ZFYVE1: variants seen among roughly 807,000 people sequenced by gnomAD.
The protein encoded by ZFYVE1 is zinc finger FYVE domain-containing protein 1.
In ZFYVE1, 30 loss-of-function variants were observed where a neutral mutation model predicts 74.4. The ratio of observed to expected loss-of-function variants is 0.40; its 90% confidence interval spans 0.30 to 0.55. The LOEUF is 0.55. Ranked by LOEUF, ZFYVE1 falls within the 20% of genes least tolerant of loss-of-function variation. The pLI, the probability that ZFYVE1 is intolerant of heterozygous loss-of-function variation, is 0.42. For missense variants in ZFYVE1, 703 were observed against 1,011.6 expected, an observed-to-expected ratio of 0.69 and a Z score of 4.14; for synonymous variants, 335 against 385.1, an observed-to-expected ratio of 0.87 and a Z score of 1.52.
At chr14:73,006,662 C>A (rs1224788864) in intron 2 of ZFYVE1, among the ~76,000 whole-genome samples, 1 of 147,774 alleles carries the variant, frequency 6.8e-6, no homozygotes, top group Non-Finnish European at 1.5e-5. Flanking sequence ...CAAGAAGAGT[C>A]TGTAAAATGA....
At chr14:73,001,795 A>G (rs1893878564) in intron 2 of ZFYVE1, among the ~76,000 whole-genome samples, 1 of 111,452 alleles carries the variant, frequency 9.0e-6, no homozygotes, top group Non-Finnish European at 1.9e-5. Context: ...CTAAAAATAC[A>G]AAATTAGCCA....
chr14:72,988,728 A>G (rs1893540710), intron 4 of ZFYVE1, among the ~76,000 whole-genome samples: 2 of 149,450 alleles, frequency 1.3e-5, no homozygotes, highest in African/African-American at 4.9e-5. Context: ...AATCACTTGA[A>G]CCTGGGAGTC....
rs1237782467 is a variant in ZFYVE1 at position 73,023,212 on chromosome 14, A to G, written c.483+814T>C. On this transcript the variant is annotated intron_variant, in intron 2 of 11. Transcript: ENST00000556143. ...TATATATTTTATATATGTTTTATATATAATATATATTTTATATGTTTTATA... is the reference window on the plus strand; with the variant it reads ...TATATATTTTATATATGTTTTATATGTAATATATATTTTATATGTTTTATA... 3.2e-4 allele frequency among the ~76,000 whole-genome samples: 44 copies of G among 136,714 alleles called. 4 individuals carry two copies. Among genetic ancestry groups the G allele is most frequent in the South Asian group, 6.5e-4 (3 of 4,634 alleles). 89.7% of individuals were successfully genotyped at this position (136,714 alleles called of 152,430 possible). A position where few individuals can be genotyped will look rare whatever the true frequency, so the allele number is the denominator to read the frequency against.
chr14:73,007,930 T>C (rs1440772148), intron 2 of ZFYVE1, among the ~76,000 whole-genome samples: 1 of 152,210 alleles, frequency 6.6e-6, no homozygotes, highest in Non-Finnish European at 1.5e-5. Context: ...ATCAAATGTT[T>C]TCTGAAGACA....
chr14:73,006,709 C>CTTTTTTTTTT (rs35364666), intron 2 of ZFYVE1, among the ~76,000 whole-genome samples: 1 of 77,638 alleles, frequency 1.3e-5, no homozygotes. Flanking sequence ...ACCCCAGTTC[C>CTTTTTTTTTT]TTTTTTTTTT....
At chr14:73,002,842 C>T (rs1039701702) in intron 2 of ZFYVE1, among the ~76,000 whole-genome samples, 23 of 149,094 alleles carry the variant, frequency 1.5e-4, no homozygotes, top group African/African-American at 3.2e-4. Flanking sequence ...CCCAGGTTCA[C>T]GCCATTCTCC....
At chr14:73,008,712 T>C (rs1249816159) in intron 2 of ZFYVE1, among the ~76,000 whole-genome samples, 1 of 152,192 alleles carries the variant, frequency 6.6e-6, no homozygotes, top group Non-Finnish European at 1.5e-5. Context: ...TGCAGCTGCC[T>C]TTTTAAGTGG....
At chr14:72,991,976 G>A (rs944995193) in intron 4 of ZFYVE1, among the ~76,000 whole-genome samples, 10 of 150,724 alleles carry the variant, frequency 6.6e-5, no homozygotes, top group African/African-American at 2.5e-4. Flanking sequence ...GGACAATCTC[G>A]GCTCACTGCA....
chr14:73,024,586 T>C lies in ZFYVE1; in HGVS notation c.-78A>G, dbSNP rs1894416699. ...CCGGGGGTGAAGACGAAGATTTGAGTCTGAAGACTGCACGAAACTTCCACA... is the reference window on the plus strand; with the variant it reads ...CCGGGGGTGAAGACGAAGATTTGAGCCTGAAGACTGCACGAAACTTCCACA... On this transcript the variant is annotated 5_prime_UTR_variant, in exon 2 of 12. Transcript: ENST00000556143. 2.0e-5 allele frequency: 30 copies of C among 1,510,234 alleles called. No homozygotes were observed. The highest frequency in any genetic ancestry group is 2.6e-5 in the Non-Finnish European group (29 of 1,130,296). The allele number at this position is 1,510,234 out of a possible 1,614,324, so 93.6% of individuals were successfully genotyped here.
At chr14:72,977,871 A>T in intron 8 of ZFYVE1, 56 bp downstream of exon 8, 1 of 1,573,380 alleles carries the variant, frequency 6.4e-7, no homozygotes, top group Non-Finnish European at 8.7e-7. Flanking sequence ...TTCTATACAC[A>T]TGAAAAACTG....
rs1894418616 is a variant in ZFYVE1 at position 73,024,690 on chromosome 14, T to G, written c.-182A>C. The G allele has an allele frequency of 5.5e-6, 5 of 904,522 alleles. No individual in the cohort carries two copies. Among genetic ancestry groups the G allele is most frequent in the Non-Finnish European group, 6.3e-6 (4 of 631,804 alleles). The allele number at this position is 904,522 out of a possible 1,614,324, so 56.0% of individuals were successfully genotyped here. Reference sequence around the variant, plus strand: ...ACAAACAAATGTTCAAATTTTTAATTTGCTGCCTCTAAGACTCTTGTATTA... The same window carrying G: ...ACAAACAAATGTTCAAATTTTTAATGTGCTGCCTCTAAGACTCTTGTATTA... On this transcript the variant is annotated 5_prime_UTR_variant, in exon 2 of 12. Transcript: ENST00000556143.
chr14:73,009,641 A>G (rs1894048673), intron 2 of ZFYVE1, among the ~76,000 whole-genome samples: 1 of 152,206 alleles, frequency 6.6e-6, no homozygotes, highest in Non-Finnish European at 1.5e-5. Flanking sequence ...CTGTAATCCC[A>G]GCTACTCAGG....
intron 2 of ZFYVE1, among the ~76,000 whole-genome samples, chr14:73,004,620 AG>A (rs1893939459): frequency 6.6e-6 from 1 of 152,104 alleles, no homozygotes; most frequent in Non-Finnish European, 1.5e-5. Context: ...TCCTGGGAGG[AG>A]GAACTCAAAG....
At chr14:72,988,378 T>TTGGC (rs1893531854) in intron 4 of ZFYVE1, among the ~76,000 whole-genome samples, 1 of 151,884 alleles carries the variant, frequency 6.6e-6, no homozygotes, top group Non-Finnish European at 1.5e-5. Context: ...TTTTGCCGTG[T>TTGGC]TGGCCAGGCT....
At chr14:73,005,205 C>A (rs551102169) in intron 2 of ZFYVE1, among the ~76,000 whole-genome samples, 1 of 151,118 alleles carries the variant, frequency 6.6e-6, no homozygotes, top group East Asian at 1.9e-4. Context: ...ACAGCCTAGC[C>A]TAGGTGGTAG....
chr14:73,012,852 C>T (rs1039348711), intron 2 of ZFYVE1, among the ~76,000 whole-genome samples: 7 of 151,920 alleles, frequency 4.6e-5, no homozygotes, highest in East Asian at 1.9e-4. Context: ...CTATATTGAA[C>T]GCTTTGAAAG....
At chr14:72,991,065 C>CT (rs1893599181) in intron 4 of ZFYVE1, among the ~76,000 whole-genome samples, 1 of 152,082 alleles carries the variant, frequency 6.6e-6, no homozygotes, top group East Asian at 1.9e-4. Context: ...AGAATACAGT[C>CT]TAACTATTTT....
rs754589370 is a variant in ZFYVE1 at position 72,997,798 on chromosome 14, C to T, written c.988+13G>A. 8 of 1,571,374 alleles carry T rather than the reference C, an allele frequency of 5.1e-6. No homozygotes were observed. The Admixed American group carries it at 1.2e-4, about 24-fold the overall frequency. On this transcript the variant is annotated intron_variant, in intron 3 of 11. Transcript: ENST00000556143. The stretch of plus-strand genomic sequence containing the variant: ...ATAAAGGTTGAGCTGTGACACTGTA[C>T]CCCATCTCTCACCAGAGCCCAGTAG...
At chr14:73,018,356 G>A (rs1316509383) in intron 2 of ZFYVE1, among the ~76,000 whole-genome samples, 4 of 150,890 alleles carry the variant, frequency 2.7e-5, no homozygotes, top group Non-Finnish European at 5.9e-5. Flanking sequence ...GCTTGAACCC[G>A]GGAGGCGGAG....
Sources: gnomAD v4.1 joint callset for allele counts (sites outside exome capture counted in the v4.1 genomes callset) on GRCh38, gnomAD v4.1.1 for gene constraint, MANE v1.5 for transcripts, NCBI Gene and HGNC (gene_info 2026-07-23, HGNC 2026-07-21) for gene names.